The following PKIB variants were observed in gnomAD, a reference collection of about 807,000 sequenced individuals.
The protein encoded by PKIB is cAMP-dependent protein kinase inhibitor beta.
PKIB carries 2 observed loss-of-function variants against 4.5 expected under a neutral mutation model. The ratio of observed to expected loss-of-function variants is 0.44; its 90% CI spans 0.18 to 1.39. PKIB has a LOEUF of 1.39. PKIB is among the 40% of genes most tolerant of loss of function. The probability of loss-of-function intolerance (pLI) is 0.27; values close to 1 mark genes in which losing one functional copy is unlikely to be tolerated. For synonymous variants in PKIB, 38 were observed against 36.0 expected (o/e 1.06, Z -0.20); for missense variants, 94 against 92.6 (o/e 1.02, Z -0.06).
intron 1 of PKIB, among the ~76,000 whole-genome samples, chr6:122,631,262 G>A (rs1775687561): frequency 6.6e-6 from 1 of 152,168 alleles, no homozygotes; most frequent in South Asian, 2.1e-4. Flanking sequence ...TATGGCAGTC[G>A]AGTTATTTTA....
chr6:122,512,485 A>G (rs1156475025), intron 2 of PKIB, among the ~76,000 whole-genome samples: 1 of 152,176 alleles, frequency 6.6e-6, no homozygotes. Flanking sequence ...TGGATTTAAC[A>G]TTTAACAATT....
chr6:122,676,576 A>G (rs1472249259), intron 3 of PKIB, among the ~76,000 whole-genome samples: 1 of 152,218 alleles, frequency 6.6e-6, no homozygotes, highest in African/African-American at 2.4e-5. Context: ...GACTAAAATG[A>G]TGACTACCCT....
chr6:122,516,402 C>T (rs2114590853), intron 2 of PKIB, among the ~76,000 whole-genome samples: 1 of 152,316 alleles, frequency 6.6e-6, no homozygotes, highest in Middle Eastern at 3.4e-3. Context: ...CTCTTGCATG[C>T]TCCTCTTTTA....
chr6:122,538,827 C>G (rs1354993510), intron 2 of PKIB, among the ~76,000 whole-genome samples: 13 of 152,084 alleles, frequency 8.5e-5, no homozygotes, highest in Non-Finnish European at 1.3e-4. Flanking sequence ...AATCTTCTTC[C>G]ATTTGTTTGT....
intron 3 of PKIB, among the ~76,000 whole-genome samples, chr6:122,592,523 C>A (rs1265859664): frequency 6.6e-6 from 1 of 152,136 alleles, no homozygotes; most frequent in Non-Finnish European, 1.5e-5. Context: ...AGATCAGGAA[C>A]ACATTTTCAG....
chr6:122,629,616 A>G lies in PKIB; in HGVS notation c.-160-3667A>G, dbSNP rs187111908. On this transcript the variant is annotated intron_variant, in intron 1 of 4. Transcript: ENST00000368452. ...GAGACAGACTAACTTTTCAGTGGAGAAACCTGACAAACACTATCTCATCAA... is the reference window on the plus strand; with the variant it reads ...GAGACAGACTAACTTTTCAGTGGAGGAACCTGACAAACACTATCTCATCAA... Among the ~76,000 whole-genome samples, 289 of 152,230 alleles carry G rather than the reference A, an allele frequency of 1.9e-3. 1 individual carries two copies. Among genetic ancestry groups the G allele is most frequent in the Middle Eastern group, 0.01 (3 of 294 alleles).
intron 2 of PKIB, among the ~76,000 whole-genome samples, chr6:122,639,494 G>A (rs1408340111): frequency 1.3e-5 from 2 of 152,180 alleles, no homozygotes; most frequent in African/African-American, 2.4e-5. Context: ...GTTGTGAGCT[G>A]TGGGGATCAG....
At chr6:122,611,535 A>G (rs537526652) in intron 1 of PKIB, among the ~76,000 whole-genome samples, 1 of 152,330 alleles carries the variant, frequency 6.6e-6, no homozygotes, top group Admixed American at 6.5e-5. Flanking sequence ...AAATTTTAAA[A>G]AAACTCTTTT....
chr6:122,655,919 A>G (rs1480778427), intron 2 of PKIB, among the ~76,000 whole-genome samples: 1 of 152,090 alleles, frequency 6.6e-6, no homozygotes, highest in African/African-American at 2.4e-5. Flanking sequence ...CCAGCTCTAG[A>G]GCTTTGAAAC....
At chr6:122,548,993 C>T (rs1562247612) in intron 2 of PKIB, among the ~76,000 whole-genome samples, 1 of 152,184 alleles carries the variant, frequency 6.6e-6, no homozygotes, top group Non-Finnish European at 1.5e-5. Flanking sequence ...TAACACACAA[C>T]AGTAACTTCC....
intron 2 of PKIB, among the ~76,000 whole-genome samples, chr6:122,637,210 A>G (rs963173875): frequency 1.3e-5 from 2 of 152,234 alleles, no homozygotes; most frequent in African/African-American, 4.8e-5. Context: ...ACTTCTATAC[A>G]TATAAAACAG....
At chr6:122,691,802 G>A (rs971789992) in intron 3 of PKIB, among the ~76,000 whole-genome samples, 5 of 151,974 alleles carry the variant, frequency 3.3e-5, no homozygotes, top group Non-Finnish European at 5.9e-5. Flanking sequence ...TACTGTAGTC[G>A]TCTCAGTCTG....
intron 2 of PKIB, among the ~76,000 whole-genome samples, chr6:122,666,763 T>C (rs550457465): frequency 2.0e-5 from 3 of 152,350 alleles, no homozygotes; most frequent in Non-Finnish European, 4.4e-5. Flanking sequence ...GTATAATTCA[T>C]CAACTTTACT....
At chr6:122,588,601 T>G (rs931136289) in intron 3 of PKIB, among the ~76,000 whole-genome samples, 1 of 152,110 alleles carries the variant, frequency 6.6e-6, no homozygotes, top group African/African-American at 2.4e-5. Context: ...TGGAACAGAA[T>G]TTTTTGTAGT....
chr6:122,558,138 A>G (rs566408506), intron 2 of PKIB, among the ~76,000 whole-genome samples: 1 of 152,208 alleles, frequency 6.6e-6, no homozygotes, highest in Non-Finnish European at 1.5e-5. Flanking sequence ...TGAGAAGTGC[A>G]GGTTGTATTT....
intron 1 of PKIB, among the ~76,000 whole-genome samples, chr6:122,631,952 G>C (rs926290223): frequency 2.6e-5 from 4 of 152,244 alleles, no homozygotes; most frequent in African/African-American, 9.6e-5. Flanking sequence ...TATAGTTCTT[G>C]GGTTTTATAC....
intron 2 of PKIB, among the ~76,000 whole-genome samples, chr6:122,648,732 G>T (rs1776423341): frequency 6.6e-6 from 1 of 152,158 alleles, no homozygotes; most frequent in Non-Finnish European, 1.5e-5. Context: ...TAATAACAAA[G>T]CAGCACTTTT....
At chr6:122,645,852 A>G (rs553894015) in intron 2 of PKIB, among the ~76,000 whole-genome samples, 1 of 152,098 alleles carries the variant, frequency 6.6e-6, no homozygotes, top group Non-Finnish European at 1.5e-5. Flanking sequence ...CTTAGTGCAG[A>G]CTCATGTGAT....
intron 2 of PKIB, among the ~76,000 whole-genome samples, chr6:122,668,592 C>T (rs1169618508): frequency 6.6e-6 from 1 of 152,120 alleles, no homozygotes; most frequent in Non-Finnish European, 1.5e-5. Flanking sequence ...CAGTGGAATA[C>T]AAAACAGAAA....
Sources: gnomAD v4.1 joint callset for allele counts (sites outside exome capture counted in the v4.1 genomes callset) on GRCh38, gnomAD v4.1.1 for gene constraint, MANE v1.5 for transcripts, NCBI Gene and HGNC (gene_info 2026-07-23, HGNC 2026-07-21) for gene names.